The following COL5A3 variants were observed in gnomAD, a reference collection of about 807,000 sequenced individuals.
COL5A3 encodes collagen alpha-3(V) chain.
A neutral mutation model predicts 250.0 loss-of-function variants in COL5A3; 172 were observed. The observed-to-expected ratio is 0.69, with a 90% CI of 0.61 to 0.78. The LOEUF is 0.78. COL5A3 is among the 30% of genes least tolerant of loss of function. The pLI, the probability that COL5A3 is intolerant of heterozygous loss-of-function variation, is 0.00. For synonymous variants in COL5A3, 937 were observed against 900.4 expected (o/e 1.04, Z -0.73); for missense variants, 2,340 against 2,334.4 (o/e 1.00, Z -0.05).
intron 8 of COL5A3, 109 bp downstream of exon 8, chr19:10,001,415 C>T (rs113865073): frequency 1.9e-4 from 219 of 1,138,146 alleles, no homozygotes; most frequent in East Asian, 1.0e-3. Flanking sequence ...CCAAAGTGTT[C>T]GGATTACAGG....
intron 65 of COL5A3, 124 bp downstream of exon 65, chr19:9,962,695 A>G: frequency 1.5e-6 from 1 of 671,150 alleles, no homozygotes; most frequent in Middle Eastern, 4.1e-4. Context: ...CCAGCTTGCG[A>G]TCCCTAGGAA....
chr19:10,008,643 T>G (rs1055303406), intron 1 of COL5A3, among the ~76,000 whole-genome samples: 1 of 152,120 alleles, frequency 6.6e-6, no homozygotes, highest in Non-Finnish European at 1.5e-5. Context: ...CAAGCGTGGG[T>G]GAGTCTGAGT....
chr19:10,000,800 C>A (rs1031383859), intron 8 of COL5A3, among the ~76,000 whole-genome samples: 1 of 152,014 alleles, frequency 6.6e-6, no homozygotes, highest in African/African-American at 2.4e-5. Context: ...CTTCTAAGAC[C>A]TCAAGATGTG....
At chr19:9,987,756 G>T (rs1599554208) in intron 27 of COL5A3, among the ~76,000 whole-genome samples, 1 of 151,466 alleles carries the variant, frequency 6.6e-6, no homozygotes, top group Admixed American at 6.6e-5. Context: ...CCTGTCTCAA[G>T]AATAATAATA....
In COL5A3 at chr19:9,966,350, T is replaced by G; in HGVS notation, c.4746A>C (p.Gly1582=). Residue 1582 remains glycine (G), a synonymous_variant, in exon 64 of 67, where the codon GGA becomes GGC. Coordinates refer to ENST00000264828, the MANE Select transcript of COL5A3 (RefSeq NM_015719.4). Reference sequence around the variant, plus strand: ...TCTTGTCGGGATAGAGGCAGGTCTCTCCTCCCGCCGTGAAGTTGCAAAAAA... The same window carrying G: ...TCTTGTCGGGATAGAGGCAGGTCTCGCCTCCCGCCGTGAAGTTGCAAAAAA... ...FRVFCNFTAG[G]ETCLYPDKKF... is the part of the protein sequence containing the mutation. 6.2e-7 allele frequency: 1 copy of G among 1,603,786 alleles called. No individual in the cohort carries two copies. Among genetic ancestry groups the G allele is most frequent in the Non-Finnish European group, 8.5e-7 (1 of 1,174,756 alleles).
intron 31 of COL5A3, among the ~76,000 whole-genome samples, chr19:9,985,193 C>T (rs60051874): frequency 0.1 from 15,235 of 150,848 alleles, 1,221 homozygotes; most frequent in African/African-American, 0.23. Flanking sequence ...TCAAGTGATC[C>T]GCCTGCCTCT....
intron 8 of COL5A3, among the ~76,000 whole-genome samples, chr19:9,998,603 A>T (rs1224980861): frequency 6.6e-6 from 1 of 152,198 alleles, no homozygotes; most frequent in Non-Finnish European, 1.5e-5. Flanking sequence ...CAAGTTAGTT[A>T]CAACTATGTG....
At chr19:9,998,068 G>A in intron 9 of COL5A3, 34 bp downstream of exon 9, 1 of 1,614,000 alleles carries the variant, frequency 6.2e-7, no homozygotes, top group South Asian at 1.1e-5. Context: ...TCATCATGAA[G>A]CCTCTCAACC....
chr19:9,996,442 C>T lies in COL5A3; in HGVS notation c.1413G>A (p.Gln471=), dbSNP rs1219369820. The T allele has an allele frequency of 6.2e-7, 1 of 1,613,984 alleles. No homozygotes were observed. Among genetic ancestry groups the T allele is most frequent in the South Asian group, 1.1e-5 (1 of 91,060 alleles). The change falls in exon 13 of 67, where the codon CAG becomes CAA. Residue 471 remains glutamine, a synonymous_variant. Transcript: ENST00000264828. ...FQQAQAQAVL[Q]QTQLSMKGPP... Reference sequence around the variant, plus strand: ...CACACCTCCCACTCACCTGAGTCTGCTGCAGAACTGCCTGAGCCTGGGCCT... The same window carrying T: ...CACACCTCCCACTCACCTGAGTCTGTTGCAGAACTGCCTGAGCCTGGGCCT...
At chr19:9,989,222 A>C (rs375801148) in intron 26 of COL5A3, 45 bp from the exon 27 acceptor site, 3 of 1,612,854 alleles carry the variant, frequency 1.9e-6, no homozygotes, top group Admixed American at 3.3e-5. Context: ...AGTCCCTTCC[A>C]CATTCTAAGA....
chr19:9,997,389 A>G lies in COL5A3; in HGVS notation c.1245T>C (p.Pro415=). The G allele has an allele frequency of 6.2e-7, 1 of 1,610,284 alleles. No homozygotes were observed. The highest frequency in any genetic ancestry group is 8.5e-7 in the Non-Finnish European group (1 of 1,178,616). ...CTCTTACCGGTGGACCAGGGTCGCC[A>G]GGGAATCCTGGGGGGCCGGGAGGGC... The part of the protein sequence containing the change: ...PSGPPGPPGF[P]GDPGPPGPAG... Residue 415 remains proline, a synonymous_variant, in exon 11 of 67, where the codon CCT becomes CCC. Transcript: ENST00000264828.
chr19:9,993,130 C>T (rs900294837), intron 19 of COL5A3, 63 bp from the exon 20 acceptor site: 50 of 1,551,894 alleles, frequency 3.2e-5, no homozygotes, highest in Non-Finnish European at 3.9e-5. Flanking sequence ...CACCTCCCCT[C>T]ATCTGGGCAG....
chr19:9,975,113 C>T (rs907264925), intron 45 of COL5A3, among the ~76,000 whole-genome samples: 4 of 149,524 alleles, frequency 2.7e-5, no homozygotes, highest in Middle Eastern at 3.5e-3. Flanking sequence ...CTCCCTCTAT[C>T]GCACAGGCTG....
At position 9,985,643 on chromosome 19, in the gene COL5A3, C is replaced by G. The variant is rs570230665; in HGVS notation, c.2406+199G>C. On this transcript the variant is annotated intron_variant, in intron 31 of 66. Transcript: ENST00000264828. ...CTGGTCTCGAACTCCTGGGCTCAAGCAATCCTCTCACCTCAGCCTCTCAGG... is the reference window on the plus strand; with the variant it reads ...CTGGTCTCGAACTCCTGGGCTCAAGGAATCCTCTCACCTCAGCCTCTCAGG... 3.1e-4 allele frequency among the ~76,000 whole-genome samples: 47 copies of G among 152,212 alleles called. No homozygotes were observed. In the South Asian group the frequency reaches 9.5e-3, roughly 31 times the overall value.
At chr19:10,006,021 C>A in intron 2 of COL5A3, 36 bp from the exon 3 acceptor site, 1 of 1,610,884 alleles carries the variant, frequency 6.2e-7, no homozygotes, top group Non-Finnish European at 8.5e-7. Context: ...GCTCAGAGGG[C>A]CCAGCAGTGC....
chr19:9,977,557 G>A, intron 42 of COL5A3, 37 bp downstream of exon 42: 1 of 1,535,804 alleles, frequency 6.5e-7, no homozygotes, highest in East Asian at 2.3e-5. Context: ...GCCAGACCCT[G>A]AGGAGGCCCT....
At chr19:9,967,468 A>AACACACAC (rs903323360) in intron 61 of COL5A3, 68 bp from the exon 62 acceptor site, 71 of 997,958 alleles carry the variant, frequency 7.1e-5, no homozygotes, top group Middle Eastern at 2.1e-4. Context: ...CATACACACA[A>AACACACAC]ACACACACAC....
At chr19:9,982,556 TC>T (rs1208810081) in intron 31 of COL5A3, among the ~76,000 whole-genome samples, 4 of 152,174 alleles carry the variant, frequency 2.6e-5, no homozygotes, top group Non-Finnish European at 5.9e-5. Flanking sequence ...ATGCCTGTTT[TC>T]CCCCACTGTG....
At chr19:10,001,914 G>A (rs752311319) in intron 6 of COL5A3, 33 bp from the exon 7 acceptor site, 22 of 1,503,926 alleles carry the variant, frequency 1.5e-5, no homozygotes, top group South Asian at 5.7e-5. Context: ...CTTGGGTCTC[G>A]GGTGAGGGCA....
Sources: allele counts gnomAD v4.1 joint callset (sites outside exome capture counted in the v4.1 genomes callset), GRCh38; gene constraint gnomAD v4.1.1; transcripts MANE v1.5; gene names NCBI Gene and HGNC (gene_info 2026-07-23, HGNC 2026-07-21).